The following OTUD7A variants were observed in gnomAD, a reference collection of about 807,000 sequenced individuals.
The protein encoded by OTUD7A is OTU deubiquitinase 7A.
Under a neutral mutation model 65.7 loss-of-function variants are expected in OTUD7A, and 12 were observed. The ratio of observed to expected loss-of-function variants is 0.18; its 90% CI spans 0.12 to 0.30. The LOEUF is 0.30. Among genes scored for constraint, OTUD7A ranks in the 10% least tolerant of loss-of-function variants. The pLI is 1.00. For synonymous variants in OTUD7A, 641 were observed against 586.3 expected, an observed-to-expected ratio of 1.09 and a Z score of -1.35; for missense variants, 1,148 against 1,304.8, an observed-to-expected ratio of 0.88 and a Z score of 1.85.
intron 3 of OTUD7A, among the ~76,000 whole-genome samples, chr15:31,643,280 T>C (rs1320962930): frequency 6.6e-6 from 1 of 152,254 alleles, no homozygotes. Flanking sequence ...CCACTGCACC[T>C]GGCTTTCACT....
chr15:31,654,696 C>A (rs1891936051), intron 3 of OTUD7A, among the ~76,000 whole-genome samples: 2 of 152,276 alleles, frequency 1.3e-5, no homozygotes, highest in South Asian at 4.1e-4. Context: ...ACGGAGGATG[C>A]AATTTCTCAT....
At chr15:31,806,262 T>C (rs1036500695) in intron 1 of OTUD7A, among the ~76,000 whole-genome samples, 11 of 152,224 alleles carry the variant, frequency 7.2e-5, no homozygotes, top group African/African-American at 2.7e-4. Flanking sequence ...CTTGCAATAA[T>C]TGGTGCATCT....
At chr15:31,719,670 C>T (rs1365227740) in intron 1 of OTUD7A, among the ~76,000 whole-genome samples, 1 of 152,100 alleles carries the variant, frequency 6.6e-6, no homozygotes, top group Non-Finnish European at 1.5e-5. Flanking sequence ...AAACACCAGC[C>T]ACGGTGATCT....
intron 3 of OTUD7A, among the ~76,000 whole-genome samples, chr15:31,641,997 T>C: frequency 6.6e-6 from 1 of 152,200 alleles, no homozygotes; most frequent in East Asian, 1.9e-4. Context: ...CTCTTGATCT[T>C]TGGGGAAAAG....
intron 1 of OTUD7A, among the ~76,000 whole-genome samples, chr15:31,866,096 TG>T (rs1897868869): frequency 6.6e-6 from 1 of 152,262 alleles, no homozygotes; most frequent in African/African-American, 2.4e-5. Flanking sequence ...ATTTAAAACT[TG>T]TATTAGCATT....
chr15:31,814,222 C>G (rs1191171580), intron 1 of OTUD7A, among the ~76,000 whole-genome samples: 1 of 152,248 alleles, frequency 6.6e-6, no homozygotes, highest in East Asian at 1.9e-4. Context: ...ATCGGCCATG[C>G]AAGGGTGCTC....
At chr15:31,672,088 G>A (rs985433816) in intron 1 of OTUD7A, among the ~76,000 whole-genome samples, 3 of 152,156 alleles carry the variant, frequency 2.0e-5, no homozygotes, top group Admixed American at 6.5e-5. Context: ...TTACTTTTAT[G>A]TGTAATCGTT....
chr15:31,530,638 C>T (rs903492402), intron 6 of OTUD7A, 69 bp downstream of exon 6: 2 of 1,397,224 alleles, frequency 1.4e-6, no homozygotes, highest in African/African-American at 2.9e-5. Flanking sequence ...GTGTTTCCTT[C>T]AATAGCATAT....
intron 5 of OTUD7A, among the ~76,000 whole-genome samples, chr15:31,548,263 G>A (rs561635359): frequency 6.0e-5 from 9 of 150,702 alleles, no homozygotes; most frequent in Non-Finnish European, 1.3e-4. Context: ...ATGTTCCTGC[G>A]CGGTGCCCTC....
Position 31,595,413 on chromosome 15 carries a change from T to C in OTUD7A, c.152-25216A>G, listed in dbSNP as rs557262767. Among the ~76,000 whole-genome samples the C allele has an allele frequency of 3.3e-5, 5 of 152,370 alleles. No individual in the cohort carries two copies. The South Asian group carries it at 8.3e-4, about 25-fold the overall frequency. On this transcript the variant is annotated intron_variant, in intron 3 of 12. Coordinates refer to ENST00000307050, the MANE Select transcript of OTUD7A (RefSeq NM_001382637.1). Reference sequence around the variant, plus strand: ...AATGACAGGGTTTTATTCTCTTTTATGTCTGGATAATTTGTACATGGTAGA... The same window carrying C: ...AATGACAGGGTTTTATTCTCTTTTACGTCTGGATAATTTGTACATGGTAGA...
intron 1 of OTUD7A, among the ~76,000 whole-genome samples, chr15:31,836,583 A>G (rs1284254975): frequency 6.6e-6 from 1 of 152,216 alleles, no homozygotes; most frequent in African/African-American, 2.4e-5. Context: ...AGACAGACAC[A>G]ACAAACCTCC....
intron 1 of OTUD7A, among the ~76,000 whole-genome samples, chr15:31,725,351 T>C (rs1893854994): frequency 6.6e-6 from 1 of 152,192 alleles, no homozygotes. Flanking sequence ...TACTGCATGT[T>C]GTTGTGTGGG....
At chr15:31,518,602 C>A (rs1300301104) in intron 8 of OTUD7A, among the ~76,000 whole-genome samples, 1 of 152,278 alleles carries the variant, frequency 6.6e-6, no homozygotes, top group Non-Finnish European at 1.5e-5. Context: ...CAACCACTGC[C>A]TTTTCCTCCT....
intron 1 of OTUD7A, among the ~76,000 whole-genome samples, chr15:31,772,675 T>A (rs1028397908): frequency 4.6e-5 from 7 of 152,230 alleles, no homozygotes; most frequent in Non-Finnish European, 8.8e-5. Flanking sequence ...GTTGGGGAAC[T>A]GCTGACATTT....
At chr15:31,577,819 T>TA (rs36055987) in intron 3 of OTUD7A, among the ~76,000 whole-genome samples, 67,522 of 141,068 alleles carry the variant, frequency 0.48, 16,230 homozygotes, top group East Asian at 0.89. Flanking sequence ...TTGATTCCAG[T>TA]AAAAAAAAAA....
At chr15:31,634,266 A>C (rs1335137088) in intron 3 of OTUD7A, among the ~76,000 whole-genome samples, 1 of 152,208 alleles carries the variant, frequency 6.6e-6, no homozygotes, top group Non-Finnish European at 1.5e-5. Flanking sequence ...GGGAGACCTC[A>C]AAAGCAAACT....
In OTUD7A at chr15:31,766,400, T is replaced by C. The variant is rs1595754972; in HGVS notation, c.-100+104107A>G. 4.4e-6 allele frequency: 7 copies of C among 1,585,076 alleles called. No homozygotes were observed. In the East Asian group the frequency reaches 1.6e-4, roughly 35 times the overall value. On this transcript the variant is annotated intron_variant, in intron 1 of 12. Transcript: ENST00000307050. ...GTAGAGCATCGATGGCAACCCTCTC[T>C]AAATGAGGTTGCAGCAAACTTTGTG...
chr15:31,766,883 T>A (rs1281037008), intron 1 of OTUD7A: 2 of 1,610,474 alleles, frequency 1.2e-6, no homozygotes, highest in African/African-American at 2.7e-5. Context: ...GCCTCTTTAC[T>A]TGAATTCCCT....
intron 1 of OTUD7A, among the ~76,000 whole-genome samples, chr15:31,820,660 A>C (rs926229205): frequency 3.3e-5 from 5 of 152,214 alleles, no homozygotes; most frequent in African/African-American, 1.2e-4. Flanking sequence ...CTCTTATAAC[A>C]GGTCCCAACA....
Sources: gnomAD v4.1 joint callset for allele counts (sites outside exome capture counted in the v4.1 genomes callset) on GRCh38, gnomAD v4.1.1 for gene constraint, MANE v1.5 for transcripts, NCBI Gene and HGNC (gene_info 2026-07-23, HGNC 2026-07-21) for gene names.